PSMA5: variants seen among roughly 807,000 people sequenced by gnomAD.
PSMA5 encodes proteasome 20S subunit alpha 5.
A neutral mutation model predicts 34.5 loss-of-function variants in PSMA5; 3 were observed. The ratio of observed to expected loss-of-function variants is 0.09; its 90% CI spans 0.04 to 0.22. The LOEUF (loss-of-function observed/expected upper bound fraction) is 0.22. Ranked by LOEUF, PSMA5 falls within the 10% of genes least tolerant of loss-of-function variation. PSMA5 has a pLI of 1.00. For missense variants in PSMA5, 120 were observed against 286.1 expected (o/e 0.42, Z 4.19); for synonymous variants, 88 against 95.8 (o/e 0.92, Z 0.47).
chr1:109,415,100 G>T, intron 3 of PSMA5, 137 bp downstream of exon 3: 2 of 1,041,604 alleles, frequency 1.9e-6, no homozygotes, highest in Non-Finnish European at 1.3e-6. Flanking sequence ...CTACATTTAC[G>T]CATTCTGGCC....
intron 2 of PSMA5, among the ~76,000 whole-genome samples, chr1:109,419,140 C>CA (rs1270037976): frequency 6.6e-6 from 1 of 151,968 alleles, no homozygotes; most frequent in Admixed American, 6.6e-5. Flanking sequence ...GCAACAAGAG[C>CA]AAAACTCCAC....
rs1370159104 is a variant in PSMA5, at chr1:109,402,004, C to G, written c.*9G>C. On this transcript the variant is annotated 3_prime_UTR_variant, in exon 9 of 9. Coordinates refer to ENST00000271308, the MANE Select transcript of PSMA5 (RefSeq NM_002790.4). ...ATTGTCCCAGAGAAGTTCTGAGGAT[C>G]AGGATTCCTTAAATGTCCTTGATAA... The G allele has an allele frequency of 6.3e-7, 1 of 1,591,506 alleles. No homozygotes were observed. Among genetic ancestry groups the G allele is most frequent in the East Asian group, 2.3e-5 (1 of 44,384 alleles).
intron 2 of PSMA5, among the ~76,000 whole-genome samples, chr1:109,417,570 C>T (rs189927866): frequency 1.3e-5 from 2 of 152,294 alleles, no homozygotes; most frequent in East Asian, 3.9e-4. Context: ...TAAAATAGAG[C>T]GTCTTTGGAT....
chr1:109,418,540 C>T (rs1334814466), intron 2 of PSMA5, among the ~76,000 whole-genome samples: 1 of 152,154 alleles, frequency 6.6e-6, no homozygotes, highest in Non-Finnish European at 1.5e-5. Flanking sequence ...TGGTCTTGAA[C>T]TTCTAGACTC....
At chr1:109,418,930 A>C (rs1359722560) in intron 2 of PSMA5, among the ~76,000 whole-genome samples, 1 of 152,180 alleles carries the variant, frequency 6.6e-6, no homozygotes, top group African/African-American at 2.4e-5. Flanking sequence ...TGAGGCGGGC[A>C]GATCACCTGA....
At chr1:109,412,415 C>T (rs1184642412) in intron 4 of PSMA5, 1 of 446,758 alleles carries the variant, frequency 2.2e-6, no homozygotes, top group African/African-American at 2.0e-5. Context: ...GAATTACTGC[C>T]TTGAAAAAGA....
chr1:109,400,693 T>G lies in PSMA5; in HGVS notation c.*1320A>C, dbSNP rs1009832610. 6.6e-6 allele frequency: 1 copy of G among 152,258 alleles called. No individual in the cohort carries two copies. The highest frequency in any genetic ancestry group is 1.5e-5 in the Non-Finnish European group (1 of 68,042). 9.4% of individuals were successfully genotyped at this position (152,258 alleles called of 1,614,324 possible). A position where few individuals can be genotyped will look rare whatever the true frequency, so the allele number is the denominator to read the frequency against. On this transcript the variant is annotated 3_prime_UTR_variant, in exon 9 of 9. Coordinates refer to ENST00000271308, the MANE Select transcript of PSMA5 (RefSeq NM_002790.4). ...TTCCTATCATTGCAGTTTCCAAATG[T>G]ATATAAACATGTTGTTTTTTGTTGA...
intron 3 of PSMA5, 84 bp downstream of exon 3, chr1:109,415,153 A>G: frequency 6.9e-7 from 1 of 1,447,978 alleles, no homozygotes; most frequent in Non-Finnish European, 9.2e-7. Context: ...TAACGTGTTC[A>G]TTTCATAAAC....
At chr1:109,410,666 T>G (rs1360019211) in intron 7 of PSMA5, among the ~76,000 whole-genome samples, 1 of 152,228 alleles carries the variant, frequency 6.6e-6, no homozygotes, top group Non-Finnish European at 1.5e-5. Context: ...CATGGTATAT[T>G]ACTCAGCCAT....
chr1:109,402,520 T>A (rs748787815), intron 8 of PSMA5, among the ~76,000 whole-genome samples: 5 of 152,208 alleles, frequency 3.3e-5, no homozygotes, highest in Non-Finnish European at 4.4e-5. Flanking sequence ...GTGCCTCTAT[T>A]TCTTCATCTG....
rs375404309 is a variant in PSMA5, at chr1:109,409,989, T to C, written c.587A>G (p.Lys196Arg). The change falls in exon 8 of 9, where the codon AAG becomes AGG. Residue 196 changes from lysine to arginine, a missense_variant. Physicochemically the swap from Lys to Arg is conservative, Grantham distance 26. This residue lies in a region of PSMA5 where 83 missense variants were observed against 203.2 expected (regional missense o/e 0.41). Coordinates refer to ENST00000271308, the MANE Select transcript of PSMA5 (RefSeq NM_002790.4). ...HKSMTLKEAI[K>R]SSLIILKQVM... Reference sequence around the variant, plus strand: ...TTGTTTGAGGATGATGAGTGAAGACTTGATGGCTTCTTTCAAAGTCATAGA... The same window carrying C: ...TTGTTTGAGGATGATGAGTGAAGACCTGATGGCTTCTTTCAAAGTCATAGA... 5 of 1,608,360 alleles carry C rather than the reference T, an allele frequency of 3.1e-6. No individual in the cohort carries two copies. Among genetic ancestry groups the C allele is most frequent in the South Asian group, 2.2e-5 (2 of 90,598 alleles).
Position 109,412,074 on chromosome 1 carries a change from C to T in PSMA5, c.399+3G>A. The T allele has an allele frequency of 6.2e-7, 1 of 1,613,002 alleles. No individual in the cohort carries two copies. Among genetic ancestry groups the T allele is most frequent in the Non-Finnish European group, 8.5e-7 (1 of 1,178,958 alleles). On this transcript the variant is annotated splice_donor_region_variant and intron_variant, in intron 5 of 8. Coordinates refer to ENST00000271308, the MANE Select transcript of PSMA5 (RefSeq NM_002790.4). Reference sequence around the variant, plus strand: ...GAAAACTCGACAGAAGTATCACACTCACCATGGCACCTGGATCTGCATCTT... The same window carrying T: ...GAAAACTCGACAGAAGTATCACACTTACCATGGCACCTGGATCTGCATCTT...
chr1:109,409,607 A>G (rs1299964746), intron 8 of PSMA5, among the ~76,000 whole-genome samples: 1 of 152,226 alleles, frequency 6.6e-6, no homozygotes, highest in African/African-American at 2.4e-5. Context: ...GCCAGCTATG[A>G]TATCTGAATA....
At chr1:109,407,229 C>T (rs774788328) in intron 8 of PSMA5, among the ~76,000 whole-genome samples, 18 of 152,120 alleles carry the variant, frequency 1.2e-4, no homozygotes, top group Admixed American at 1.0e-3. Flanking sequence ...CCTCGTGATC[C>T]GCCAGCCTCG....
intron 8 of PSMA5, among the ~76,000 whole-genome samples, chr1:109,405,472 CAG>C (rs1192656784): frequency 3.0e-5 from 3 of 101,106 alleles, no homozygotes; most frequent in African/African-American, 1.2e-4. Context: ...TTTTTTGAGA[CAG>C]AGTCTCGCTC....
intron 1 of PSMA5, chr1:109,426,093 C>T: frequency 4.7e-6 from 3 of 640,570 alleles, no homozygotes; most frequent in Non-Finnish European, 8.3e-6. Flanking sequence ...AGTTAGGACC[C>T]AGGGGTGACT....
At chr1:109,410,093 A>C in intron 7 of PSMA5, 79 bp from the exon 8 acceptor site, 14 of 950,744 alleles carry the variant, frequency 1.5e-5, no homozygotes, top group Non-Finnish European at 2.3e-5. Flanking sequence ...CCTTTATCTC[A>C]CTGAAAAAAG....
intron 2 of PSMA5, among the ~76,000 whole-genome samples, chr1:109,418,610 A>G (rs1462246830): frequency 2.0e-5 from 3 of 152,110 alleles, no homozygotes; most frequent in Non-Finnish European, 4.4e-5. Context: ...AGCCTTGCCC[A>G]GCCTAATTTT....
intron 2 of PSMA5, among the ~76,000 whole-genome samples, chr1:109,416,197 A>G (rs1161075890): frequency 6.6e-6 from 1 of 152,160 alleles, no homozygotes; most frequent in Non-Finnish European, 1.5e-5. Flanking sequence ...CTCTCAATGT[A>G]TCTCTAATGT....
Sources: gnomAD v4.1 joint callset for allele counts (sites outside exome capture counted in the v4.1 genomes callset) on GRCh38, gnomAD v4.1.1 for gene constraint, gnomAD v4.1.1 regional missense constraint, MANE v1.5 for transcripts, NCBI Gene and HGNC (gene_info 2026-07-23, HGNC 2026-07-21) for gene names.